Variants in CDH12 observed in about 807,000 individuals in gnomAD.
The protein encoded by CDH12 is cadherin-12.
CDH12 carries 41 observed loss-of-function variants against 74.1 expected under a neutral mutation model. The ratio of observed to expected loss-of-function variants is 0.55; its 90% confidence interval spans 0.43 to 0.72. The LOEUF is 0.72. Ranked by LOEUF, CDH12 falls within the 30% of genes least tolerant of loss-of-function variation. The pLI, the probability that CDH12 is intolerant of heterozygous loss-of-function variation, is 0.00. For synonymous variants in CDH12, 399 were observed against 355.0 expected (o/e 1.12, Z -1.39); for missense variants, 945 against 977.2 (o/e 0.97, Z 0.44).
Position 22,020,542 on chromosome 5 carries a change from G to A in CDH12, c.232-45157C>T, listed in dbSNP as rs372502401. Among the ~76,000 whole-genome samples, 5 of 143,376 alleles carry A rather than the reference G, an allele frequency of 3.5e-5. No individual in the cohort carries two copies. In the East Asian group the frequency reaches 6.0e-4, roughly 17 times the overall value. The allele number at this position is 143,376 out of a possible 152,430, so 94.1% of individuals were successfully genotyped here. A position where few individuals can be genotyped will look rare whatever the true frequency, so the allele number is the denominator to read the frequency against. ...GCACTACAGCCTGGGTGACAAGAGT[G>A]AGACTTCGTTTCAAAAAAAAAAAAA... is the stretch of plus-strand genomic sequence containing the variant. On this transcript the variant is annotated intron_variant, in intron 5 of 14. Coordinates refer to ENST00000382254, the MANE Select transcript of CDH12 (RefSeq NM_004061.5).
At chr5:22,697,463 T>G (rs1215015257) in intron 1 of CDH12, among the ~76,000 whole-genome samples, 1 of 150,192 alleles carries the variant, frequency 6.7e-6, no homozygotes, top group Non-Finnish European at 1.5e-5. Flanking sequence ...TCCCAGCTAC[T>G]CGGGAGGCTG....
rs148230432 is a variant in CDH12, at chr5:22,758,035, C to T, written c.-523+95023G>A. On this transcript the variant is annotated intron_variant, in intron 1 of 14. Transcript: ENST00000382254. ...TTCTGCCTCTTTAAATCTGTCTGCT[C>T]TTTAGGAAAGATTGCTATCTGTCTC... Among the ~76,000 whole-genome samples the T allele has an allele frequency of 5.1e-3, 771 of 152,210 alleles. 5 individuals are homozygous for T. Among genetic ancestry groups the T allele is most frequent in the African/African-American group, 0.017 (722 of 41,536 alleles).
chr5:22,142,586 G>C (rs921335416), intron 4 of CDH12: 9 of 640,302 alleles, frequency 1.4e-5, no homozygotes, highest in African/African-American at 9.5e-5. Context: ...TTTTGACAGT[G>C]AGTAGTTTTT....
rs866038707 is a variant in CDH12, at chr5:22,213,662, T to C, written c.-332-1019A>G. On this transcript the variant is annotated intron_variant, in intron 3 of 14. Transcript: ENST00000382254. ...AAGAGATCTAACTCTCTGGAAAAGG[T>C]CACATAACTGAATGCCAAAGCCCCA... 4 of 152,200 alleles carry C rather than the reference T, an allele frequency of 2.6e-5. No individual in the cohort carries two copies. The East Asian group carries it at 7.8e-4, about 30-fold the overall frequency. 9.4% of individuals were successfully genotyped at this position (152,200 alleles called of 1,614,324 possible). A position where few individuals can be genotyped will look rare whatever the true frequency, so the allele number is the denominator to read the frequency against.
At chr5:22,223,783 C>G (rs28504555) in intron 3 of CDH12, among the ~76,000 whole-genome samples, 2,849 of 152,032 alleles carry the variant, frequency 0.019, 39 homozygotes, top group African/African-American at 0.026. Context: ...CCTATGAAAG[C>G]TGGGCCGCGA....
chr5:22,013,193 C>CATAGCA (rs1737397431), intron 5 of CDH12, among the ~76,000 whole-genome samples: 1 of 152,158 alleles, frequency 6.6e-6, no homozygotes, highest in African/African-American at 2.4e-5. Context: ...CTTAGGAAAT[C>CATAGCA]ATAGCAGAAG....
chr5:22,120,437 A>C (rs920392455), intron 4 of CDH12, among the ~76,000 whole-genome samples: 1 of 152,190 alleles, frequency 6.6e-6, no homozygotes, highest in Non-Finnish European at 1.5e-5. Flanking sequence ...AGGTTAAAAA[A>C]GCAATTGGTT....
At chr5:22,013,577 G>A (rs1450409830) in intron 5 of CDH12, among the ~76,000 whole-genome samples, 2 of 152,182 alleles carry the variant, frequency 1.3e-5, no homozygotes, top group Non-Finnish European at 2.9e-5. Flanking sequence ...AATTTGAGGT[G>A]CAGGAACAAT....
chr5:22,294,664 G>A (rs1362631690), intron 3 of CDH12, among the ~76,000 whole-genome samples: 1 of 152,146 alleles, frequency 6.6e-6, no homozygotes, highest in East Asian at 1.9e-4. Context: ...GATTAGGCAA[G>A]TAAATTGTCA....
At chr5:22,038,829 A>G (rs1187056214) in intron 5 of CDH12, among the ~76,000 whole-genome samples, 1 of 152,112 alleles carries the variant, frequency 6.6e-6, no homozygotes. Context: ...GATCAAGTTG[A>G]TGTGGTACCC....
intron 1 of CDH12, among the ~76,000 whole-genome samples, chr5:22,692,803 G>A (rs1742153141): frequency 6.6e-6 from 1 of 150,574 alleles, no homozygotes; most frequent in South Asian, 2.1e-4. Context: ...CAAGACCAGA[G>A]TTAAGCTTAC....
At chr5:22,411,101 T>G (rs371420529) in intron 2 of CDH12, among the ~76,000 whole-genome samples, 1 of 151,680 alleles carries the variant, frequency 6.6e-6, no homozygotes, top group African/African-American at 2.4e-5. Context: ...TGGTCAGGTA[T>G]ATACAAAGAT....
At chr5:22,078,252 G>T (rs1209596307) in intron 5 of CDH12, among the ~76,000 whole-genome samples, 194 bp downstream of exon 5, 1 of 152,062 alleles carries the variant, frequency 6.6e-6, no homozygotes, top group African/African-American at 2.4e-5. Flanking sequence ...AAGAATTAAA[G>T]CAAAGAGGGT....
chr5:22,020,173 T>C (rs1737877469), intron 5 of CDH12, among the ~76,000 whole-genome samples: 1 of 152,130 alleles, frequency 6.6e-6, no homozygotes, highest in Non-Finnish European at 1.5e-5. Flanking sequence ...CAGGGTATGT[T>C]AGTTGGCTTG....
chr5:22,064,075 G>A (rs978731806), intron 5 of CDH12, among the ~76,000 whole-genome samples: 1 of 151,762 alleles, frequency 6.6e-6, no homozygotes, highest in Admixed American at 6.6e-5. Flanking sequence ...GAAGTTCAGG[G>A]GTCCACTTAT....
intron 1 of CDH12, among the ~76,000 whole-genome samples, chr5:22,836,211 T>TTC (rs56877943): frequency 3.0e-5 from 3 of 98,704 alleles, no homozygotes; most frequent in Non-Finnish European, 6.0e-5. Context: ...TTTTCTTTTT[T>TTC]TCTTTCTTTC....
chr5:22,117,475 ATATT>A (rs1561128807), intron 4 of CDH12, among the ~76,000 whole-genome samples: 4 of 66,930 alleles, frequency 6.0e-5, no homozygotes, highest in African/African-American at 2.4e-4. Context: ...TATAATATAT[ATATT>A]ATATATATAT....
intron 5 of CDH12, among the ~76,000 whole-genome samples, chr5:22,077,499 T>C (rs1159021527): frequency 1.3e-5 from 2 of 152,152 alleles, no homozygotes; most frequent in African/African-American, 4.8e-5. Flanking sequence ...CCTATGATGG[T>C]TTTCCAATTA....
chr5:22,548,194 C>G (rs1418253045), intron 1 of CDH12, among the ~76,000 whole-genome samples: 7 of 152,112 alleles, frequency 4.6e-5, no homozygotes. Flanking sequence ...CAAAGTGGAT[C>G]AAGTAACAGA....
Sources: gnomAD v4.1 joint callset for allele counts (sites outside exome capture counted in the v4.1 genomes callset) on GRCh38, gnomAD v4.1.1 for gene constraint, MANE v1.5 for transcripts, NCBI Gene and HGNC (gene_info 2026-07-23, HGNC 2026-07-21) for gene names.